ANO6: variants seen among roughly 807,000 people sequenced by gnomAD.
The protein encoded by ANO6 is anoctamin-6.
ANO6 carries 106 observed loss-of-function variants against 117.5 expected under a neutral mutation model. The observed-to-expected ratio is 0.90, with a 90% CI of 0.77 to 1.06. The LOEUF (loss-of-function observed/expected upper bound fraction) is 1.06, where lower values mean the gene tolerates loss of function less well. Ranked by LOEUF, ANO6 falls within the 50% of genes least tolerant of loss-of-function variation. The pLI, the probability that ANO6 is intolerant of heterozygous loss-of-function variation, is 0.00. For synonymous variants in ANO6, 367 were observed against 385.1 expected, an observed-to-expected ratio of 0.95 and a Z score of 0.55; for missense variants, 955 against 1,121.1, an observed-to-expected ratio of 0.85 and a Z score of 2.12.
chr12:45,374,777 C>T (rs907383276), intron 9 of ANO6, among the ~76,000 whole-genome samples: 51 of 151,906 alleles, frequency 3.4e-4, no homozygotes, highest in African/African-American at 9.4e-4. Flanking sequence ...GGAAGCATTC[C>T]CTTTGAAAAC....
chr12:45,370,353 G>C (rs1334968332), intron 9 of ANO6, among the ~76,000 whole-genome samples: 2 of 152,234 alleles, frequency 1.3e-5, no homozygotes, highest in Non-Finnish European at 2.9e-5. Flanking sequence ...CCATCACCTT[G>C]AGCAAGGCAG....
At position 45,429,395 on chromosome 12, in the gene ANO6, A is replaced by T; in HGVS notation, c.*84A>T. On this transcript the variant is annotated 3_prime_UTR_variant, in exon 20 of 20. Coordinates refer to ENST00000320560, the MANE Select transcript of ANO6 (RefSeq NM_001025356.3). ...ATCACTAATGAGAATGTGTAAGTTAAATCACTTTGGCAAATATGAGTCTCA... is the reference window on the plus strand; with the variant it reads ...ATCACTAATGAGAATGTGTAAGTTATATCACTTTGGCAAATATGAGTCTCA... The T allele has an allele frequency of 6.4e-7, 1 of 1,550,862 alleles. No homozygotes were observed. The highest frequency in any genetic ancestry group is 8.7e-7 in the Non-Finnish European group (1 of 1,151,568).
chr12:45,419,678 T>C (rs1382786361), intron 17 of ANO6, among the ~76,000 whole-genome samples: 1 of 152,232 alleles, frequency 6.6e-6, no homozygotes, highest in Non-Finnish European at 1.5e-5. Context: ...TCTACTTTTC[T>C]GCTTCATCAA....
rs1022872752 is a variant in ANO6 at position 45,421,093 on chromosome 12, C to A, written c.2240C>A (p.Ser747Ter). 2 of 1,614,072 alleles carry A rather than the reference C, an allele frequency of 1.2e-6. No individual in the cohort carries two copies. Among genetic ancestry groups the A allele is most frequent in the African/African-American group, 2.7e-5 (2 of 74,948 alleles). Residue 747 changes from serine (S) to a stop codon, truncating the protein, a stop_gained, in exon 18 of 20, where the codon TCG (serine) becomes TAG (stop). Coordinates refer to ENST00000320560, the MANE Select transcript of ANO6 (RefSeq NM_001025356.3). LOFTEE classifies it high-confidence loss of function. The part of the protein sequence containing the change: ...VTNAMIIAFT[S>*]DMIPRLVYYW... ...TAGGCCATGATCATAGCTTTCACGT[C>A]GGACATGATCCCCCGCCTAGTGTAC...
chr12:45,429,580 C>T lies in ANO6; in HGVS notation c.*269C>T, dbSNP rs2137735572. 1.6e-6 allele frequency: 2 copies of T among 1,256,314 alleles called. No homozygotes were observed. The highest frequency in any genetic ancestry group is 1.7e-5 in the South Asian group (1 of 59,132). The allele number at this position is 1,256,314 out of a possible 1,614,324, so 77.8% of individuals were successfully genotyped here. On this transcript the variant is annotated 3_prime_UTR_variant, in exon 20 of 20. Transcript: ENST00000320560. The stretch of plus-strand genomic sequence containing the variant: ...TTGGAATTTTACAGAAAAAGTCCCT[C>T]AGTGTGCTTAAAAACCACCCCTTCT...
chr12:45,368,716 C>G (rs1290869265), intron 9 of ANO6, among the ~76,000 whole-genome samples: 1 of 152,200 alleles, frequency 6.6e-6, no homozygotes, highest in Admixed American at 6.5e-5. Context: ...TCCCCTTGTT[C>G]TACCATGAGA....
chr12:45,274,392 C>T (rs1938482571), intron 1 of ANO6, among the ~76,000 whole-genome samples: 1 of 152,162 alleles, frequency 6.6e-6, no homozygotes, highest in Non-Finnish European at 1.5e-5. Flanking sequence ...TGCAGTGATA[C>T]CACCTAGTCA....
intron 3 of ANO6, among the ~76,000 whole-genome samples, chr12:45,338,618 C>A (rs1258755864): frequency 2.0e-5 from 3 of 151,822 alleles, no homozygotes; most frequent in African/African-American, 7.3e-5. Context: ...TATCTTTTCC[C>A]TTGCTTTACA....
chr12:45,371,710 T>C (rs952612494), intron 9 of ANO6, among the ~76,000 whole-genome samples: 3 of 152,142 alleles, frequency 2.0e-5, no homozygotes, highest in Non-Finnish European at 4.4e-5. Flanking sequence ...AACCCATCTG[T>C]ACATCACCAT....
chr12:45,268,529 A>C (rs1410136689), intron 1 of ANO6, among the ~76,000 whole-genome samples: 1 of 152,304 alleles, frequency 6.6e-6, no homozygotes, highest in South Asian at 2.1e-4. Flanking sequence ...CAAAAATTAA[A>C]TAAATAAATA....
downstream of ANO6, among the ~76,000 whole-genome samples, chr12:45,433,235 T>C (rs188006806): frequency 3.5e-4 from 53 of 152,344 alleles, no homozygotes; most frequent in Admixed American, 9.8e-4. Flanking sequence ...CTTCCCACTC[T>C]TCTGCCTGCC....
chr12:45,245,959 A>AC (rs1947819112), intron 1 of ANO6, among the ~76,000 whole-genome samples: 1 of 151,278 alleles, frequency 6.6e-6, no homozygotes, highest in East Asian at 2.1e-4. Flanking sequence ...AAAAAAAAAA[A>AC]ACCCAAGAAC....
At chr12:45,341,042 T>C (rs1940966217) in intron 3 of ANO6, among the ~76,000 whole-genome samples, 1 of 152,216 alleles carries the variant, frequency 6.6e-6, no homozygotes, top group African/African-American at 2.4e-5. Context: ...CAAGGTGATA[T>C]ATTAATGTGT....
chr12:45,398,167 A>G (rs1002113268), intron 12 of ANO6, among the ~76,000 whole-genome samples: 1 of 152,242 alleles, frequency 6.6e-6, no homozygotes, highest in African/African-American at 2.4e-5. Context: ...CAAGAGGTCA[A>G]TACCTTTAAT....
At chr12:45,321,893 A>G (rs1320994504) in intron 2 of ANO6, among the ~76,000 whole-genome samples, 2 of 152,132 alleles carry the variant, frequency 1.3e-5, no homozygotes, top group Non-Finnish European at 2.9e-5. Flanking sequence ...AATGCTCAAG[A>G]TTTAGTAAAG....
At position 45,430,588 on chromosome 12, in the gene ANO6, T is replaced by A; in HGVS notation, c.*1277T>A. The stretch of plus-strand genomic sequence containing the variant: ...CTTATTCATAATCAAGTAAAGAGAC[T>A]CAGATTAGATTTGATTTTTTAGCCT... On this transcript the variant is annotated 3_prime_UTR_variant, in exon 20 of 20. Transcript: ENST00000320560. 1 of 985,354 alleles carries A rather than the reference T, an allele frequency of 1.0e-6. No homozygotes were observed. The highest frequency in any genetic ancestry group is 1.2e-6 in the Non-Finnish European group (1 of 829,902). 61.0% of individuals were successfully genotyped at this position (985,354 alleles called of 1,614,324 possible). A position where few individuals can be genotyped will look rare whatever the true frequency, so the allele number is the denominator to read the frequency against.
chr12:45,429,179 C>T lies in ANO6; in HGVS notation c.2601C>T (p.Ile867=), dbSNP rs779989178. Residue 867 remains isoleucine, a synonymous_variant, in exon 20 of 20, where the codon ATC becomes ATT. Transcript: ENST00000320560. ...TATCAAAACGCACAAAGAGCAAGAT[C>T]CAGAGAGAAAAATACCTAACCCAAA... The part of the protein sequence containing the change: ...PDVSKRTKSK[I]QREKYLTQKL... 6.2e-7 allele frequency: 1 copy of T among 1,613,800 alleles called. No individual in the cohort carries two copies. The highest frequency in any genetic ancestry group is 2.2e-5 in the East Asian group (1 of 44,824).
At chr12:45,369,268 A>T (rs1438957551) in intron 9 of ANO6, among the ~76,000 whole-genome samples, 1 of 152,218 alleles carries the variant, frequency 6.6e-6, no homozygotes, top group Non-Finnish European at 1.5e-5. Context: ...AGTGATGCTG[A>T]CTCAGAGGCT....
intron 2 of ANO6, among the ~76,000 whole-genome samples, chr12:45,308,020 C>T (rs938485092): frequency 6.7e-5 from 9 of 134,704 alleles, no homozygotes; most frequent in East Asian, 4.6e-4. Flanking sequence ...GTAACACTTC[C>T]GTGTGTGTGT....
Sources: gnomAD v4.1 joint callset for allele counts (sites outside exome capture counted in the v4.1 genomes callset) on GRCh38, gnomAD v4.1.1 for gene constraint, MANE v1.5 for transcripts, NCBI Gene and HGNC (gene_info 2026-07-23, HGNC 2026-07-21) for gene names.